Variants in DDX50 observed in about 807,000 individuals in gnomAD.
The protein encoded by DDX50 is DExD-box helicase 50.
Under a neutral mutation model 94.8 loss-of-function variants are expected in DDX50, and 56 were observed. The observed-to-expected ratio is 0.59, with a 90% CI of 0.48 to 0.74. DDX50 has a LOEUF of 0.74. Among genes scored for constraint, DDX50 ranks in the 30% least tolerant of loss-of-function variants. The pLI is 0.00. For missense variants in DDX50, 713 were observed against 881.2 expected (o/e 0.81, Z 2.42); for synonymous variants, 264 against 295.4 (o/e 0.89, Z 1.09).
At chr10:68,943,289 G>A (rs764882060) in intron 14 of DDX50, 32 bp downstream of exon 14, 3 of 1,544,684 alleles carry the variant, frequency 1.9e-6, no homozygotes, top group Non-Finnish European at 2.7e-6. Context: ...TTAAATGGTT[G>A]AGTACATTCT....
chr10:68,940,645 T>C (rs1226552191), intron 12 of DDX50, among the ~76,000 whole-genome samples: 1 of 152,016 alleles, frequency 6.6e-6, no homozygotes, highest in Admixed American at 6.6e-5. Flanking sequence ...CTCAAACTCC[T>C]GGGCTCAAGT....
At chr10:68,924,299 C>G (rs1476481253) in intron 8 of DDX50, among the ~76,000 whole-genome samples, 1 of 151,862 alleles carries the variant, frequency 6.6e-6, no homozygotes, top group Non-Finnish European at 1.5e-5. Context: ...GAGACAGGGT[C>G]CCACCATGTT....
intron 1 of DDX50, among the ~76,000 whole-genome samples, chr10:68,905,975 A>G (rs891896176): frequency 6.6e-6 from 1 of 152,190 alleles, no homozygotes; most frequent in Admixed American, 6.6e-5. Context: ...CCCTTATCCA[A>G]AATCCTTGGA....
intron 2 of DDX50, 77 bp downstream of exon 2, chr10:68,907,084 A>C: frequency 2.2e-6 from 3 of 1,358,112 alleles, no homozygotes; most frequent in Non-Finnish European, 3.0e-6. Context: ...GGCTAATTAG[A>C]ATTGATTCTA....
intron 10 of DDX50, 100 bp from the exon 11 acceptor site, chr10:68,935,906 A>T: frequency 1.2e-6 from 1 of 816,190 alleles, no homozygotes; most frequent in Non-Finnish European, 1.9e-6. Flanking sequence ...TGAAATCTTT[A>T]AATGCAAGAA....
intron 10 of DDX50, among the ~76,000 whole-genome samples, chr10:68,935,365 T>G (rs1215371902): frequency 6.6e-6 from 1 of 152,200 alleles, no homozygotes; most frequent in Non-Finnish European, 1.5e-5. Flanking sequence ...TCATATACTT[T>G]GTAAAATGAG....
intron 1 of DDX50, among the ~76,000 whole-genome samples, chr10:68,904,968 G>A (rs1841398398): frequency 6.6e-6 from 1 of 152,194 alleles, no homozygotes. Context: ...GAACATTTTG[G>A]TGGTAGTAGT....
chr10:68,942,597 T>G (rs1036894676), intron 13 of DDX50, among the ~76,000 whole-genome samples: 6 of 151,836 alleles, frequency 4.0e-5, no homozygotes, highest in Middle Eastern at 3.4e-3. Context: ...ATTCTTATTA[T>G]CTAACAAACA....
At chr10:68,920,674 G>T (rs903199325) in intron 8 of DDX50, among the ~76,000 whole-genome samples, 2 of 151,572 alleles carry the variant, frequency 1.3e-5, no homozygotes, top group African/African-American at 4.8e-5. Flanking sequence ...GGCTGGGCAC[G>T]GTAGCTCATG....
In DDX50 at chr10:68,929,185, G is replaced by A. The variant is rs149864180; in HGVS notation, c.1240-5014G>A. On this transcript the variant is annotated intron_variant, in intron 8 of 14. Transcript: ENST00000373585. Reference sequence around the variant, plus strand: ...TGGTCTGGAACTCCTGACCTCAAGCGGTCCACCCACCTCCGTCTCCCACAG... The same window carrying A: ...TGGTCTGGAACTCCTGACCTCAAGCAGTCCACCCACCTCCGTCTCCCACAG... 3.3e-3 allele frequency among the ~76,000 whole-genome samples: 499 copies of A among 151,778 alleles called. 8 individuals carry two copies. Among genetic ancestry groups the A allele is most frequent in the African/African-American group, 0.012 (484 of 41,376 alleles).
chr10:68,902,823 G>A (rs948896142), intron 1 of DDX50, among the ~76,000 whole-genome samples: 4 of 152,138 alleles, frequency 2.6e-5, no homozygotes, highest in Non-Finnish European at 5.9e-5. Flanking sequence ...CGAATGTACC[G>A]TTATCTAGTT....
intron 7 of DDX50, among the ~76,000 whole-genome samples, chr10:68,915,281 C>T (rs1490605232): frequency 4.0e-5 from 6 of 151,180 alleles, no homozygotes; most frequent in Non-Finnish European, 7.4e-5. Flanking sequence ...GTCATGGTGG[C>T]GGGCGCCTGT....
rs116093316 is a variant in DDX50, at chr10:68,901,765, G to A, written c.87+294G>A. Among the ~76,000 whole-genome samples the A allele has an allele frequency of 2.4e-3, 371 of 152,306 alleles. 2 individuals are homozygous for A. Among genetic ancestry groups the A allele is most frequent in the African/African-American group, 8.6e-3 (356 of 41,580 alleles). ...TCAAGCTCCCATCACCATGGAATCT[G>A]TTCTTTCTCTCCTGAAGCAGTGACG... On this transcript the variant is annotated intron_variant, in intron 1 of 14. Transcript: ENST00000373585.
At chr10:68,940,939 C>A in intron 12 of DDX50, 121 bp from the exon 13 acceptor site, 1 of 1,332,570 alleles carries the variant, frequency 7.5e-7, no homozygotes, top group Non-Finnish European at 1.0e-6. Flanking sequence ...TTTTTAGCTG[C>A]AATGTTATAC....
chr10:68,914,593 AAGAT>A (rs1370340754), intron 7 of DDX50, among the ~76,000 whole-genome samples: 6 of 152,266 alleles, frequency 3.9e-5, no homozygotes, highest in African/African-American at 1.2e-4. Flanking sequence ...AGGTGAAAAA[AAGAT>A]AGATCCTCAT....
chr10:68,936,946 TC>T lies in DDX50; in HGVS notation c.1608del (p.Val537PhefsTer16). ...KSMDAIRSLA[S>X]VSYAAVDFFR... is the part of the protein sequence containing the mutation. ...ATTTTTAAACCATAGGTCTCTGGCT[TC>T]CGTTTCTTACGCTGCTGTTGATTTT... On this transcript the variant is annotated frameshift_variant, in exon 12 of 15. Transcript: ENST00000373585. LOFTEE classifies it high-confidence loss of function. 1.2e-6 allele frequency: 2 copies of T among 1,607,632 alleles called. No homozygotes were observed. The highest frequency in any genetic ancestry group is 1.7e-6 in the Non-Finnish European group (2 of 1,176,804).
chr10:68,910,563 C>T (rs142163966), intron 3 of DDX50, among the ~76,000 whole-genome samples, 181 bp downstream of exon 3: 22 of 152,196 alleles, frequency 1.4e-4, no homozygotes, highest in Middle Eastern at 3.4e-3. Context: ...CCACCATGCC[C>T]GGCTAAGTTT....
In DDX50 at chr10:68,906,988, G is replaced by A; in HGVS notation, c.365G>A (p.Ser122Asn). 6.3e-7 allele frequency: 1 copy of A among 1,582,434 alleles called. No homozygotes were observed. Among genetic ancestry groups the A allele is most frequent in the Non-Finnish European group, 8.5e-7 (1 of 1,172,918 alleles). ...TTAGATACTTCTACTCATAAATCAA[G>A]TGATAATAAACTAGAGGAGGTATGG... ...SSLDTSTHKS[S>N]DNKLEETLTR... The change falls in exon 2 of 15, where the codon AGT (serine) becomes AAT (asparagine). Residue 122 changes from serine (S) to asparagine (N), a missense_variant. Coordinates refer to ENST00000373585, the MANE Select transcript of DDX50 (RefSeq NM_024045.2).
At chr10:68,932,721 A>G (rs1842303856) in intron 8 of DDX50, among the ~76,000 whole-genome samples, 1 of 152,230 alleles carries the variant, frequency 6.6e-6, no homozygotes, top group Non-Finnish European at 1.5e-5. Flanking sequence ...TAATATAAAT[A>G]GGTTCAGTGT....
Sources: gnomAD v4.1 joint callset for allele counts (sites outside exome capture counted in the v4.1 genomes callset) on GRCh38, gnomAD v4.1.1 for gene constraint, MANE v1.5 for transcripts, NCBI Gene and HGNC (gene_info 2026-07-23, HGNC 2026-07-21) for gene names.